The following ABCB10 variants were observed in gnomAD, a reference collection of about 807,000 sequenced individuals.
The protein encoded by ABCB10 is ATP-binding cassette sub-family B member 10, mitochondrial.
In ABCB10, 54 loss-of-function variants were observed where a neutral mutation model predicts 65.4. The ratio of observed to expected loss-of-function variants is 0.83; its 90% confidence interval spans 0.66 to 1.04. The LOEUF (loss-of-function observed/expected upper bound fraction) is 1.04, where lower values mean the gene tolerates loss of function less well. ABCB10 is among the 50% of genes least tolerant of loss of function. The pLI is 0.00. For synonymous variants in ABCB10, 418 were observed against 406.5 expected, an observed-to-expected ratio of 1.03 and a Z score of -0.34; for missense variants, 846 against 976.6, an observed-to-expected ratio of 0.87 and a Z score of 1.78.
intron 11 of ABCB10, among the ~76,000 whole-genome samples, chr1:229,519,803 T>TAAAG (rs1662260426): frequency 7.0e-6 from 1 of 142,434 alleles, no homozygotes; most frequent in African/African-American, 2.6e-5. Context: ...AATAAATAAA[T>TAAAG]AAAGTAAGTA....
intron 6 of ABCB10, among the ~76,000 whole-genome samples, chr1:229,534,721 A>T (rs1472086893): frequency 1.3e-5 from 2 of 151,788 alleles, no homozygotes; most frequent in Non-Finnish European, 2.9e-5. Context: ...ATACAAAAAA[A>T]ATAGCTGGAC....
chr1:229,548,078 T>C (rs1321720610), intron 2 of ABCB10, among the ~76,000 whole-genome samples: 1 of 151,992 alleles, frequency 6.6e-6, no homozygotes, highest in Non-Finnish European at 1.5e-5. Flanking sequence ...CACAGTTCAC[T>C]GTAACCTCAA....
At chr1:229,552,952 A>G (rs1663151372) in intron 1 of ABCB10, among the ~76,000 whole-genome samples, 1 of 152,160 alleles carries the variant, frequency 6.6e-6, no homozygotes, top group Non-Finnish European at 1.5e-5. Context: ...CCTTGGAATC[A>G]GGGAAGGGAG....
At chr1:229,521,250 T>C (rs947931460) in intron 11 of ABCB10, among the ~76,000 whole-genome samples, 1 of 152,180 alleles carries the variant, frequency 6.6e-6, no homozygotes, top group African/African-American at 2.4e-5. Context: ...TTACAGATTG[T>C]ACAAATATGC....
At chr1:229,554,384 C>T (rs1479637030) in intron 1 of ABCB10, among the ~76,000 whole-genome samples, 1 of 152,116 alleles carries the variant, frequency 6.6e-6, no homozygotes, top group Non-Finnish European at 1.5e-5. Flanking sequence ...TTAGCATGCT[C>T]TAGAGTTAGG....
chr1:229,558,421 C>G lies in ABCB10; in HGVS notation c.232G>C (p.Gly78Arg). 8.3e-7 allele frequency: 1 copy of G among 1,204,206 alleles called. No individual in the cohort carries two copies. The highest frequency in any genetic ancestry group is 1.0e-6 in the Non-Finnish European group (1 of 973,000). The allele number at this position is 1,204,206 out of a possible 1,614,324, so 74.6% of individuals were successfully genotyped here. The change falls in exon 1 of 13, where the codon GGC (glycine) becomes CGC (arginine). Residue 78 changes from glycine (G) to arginine (R), a missense_variant. This residue lies in a region of ABCB10 where 214 missense variants were observed against 173.5 expected (regional missense o/e 1.23). Coordinates refer to ENST00000344517, the MANE Select transcript of ABCB10 (RefSeq NM_012089.3). ...AGGCCCAGGACGCCCCGCGAGGCGC[C>G]CGGACCCCCGCCCCGGCAGCCGCTC... The part of the protein sequence containing the change: ...WRSGCRGGGP[G>R]ASRGVLGLAR...
intron 10 of ABCB10, among the ~76,000 whole-genome samples, chr1:229,524,286 C>T (rs1257190213): frequency 2.6e-5 from 4 of 152,040 alleles, no homozygotes; most frequent in South Asian, 2.1e-4. Context: ...CTCAGCCTCC[C>T]GAGTAGCTGG....
intron 12 of ABCB10, 81 bp downstream of exon 12, chr1:229,518,760 G>T: frequency 8.6e-7 from 1 of 1,160,546 alleles, no homozygotes; most frequent in South Asian, 1.5e-5. Context: ...ATCACTTTGA[G>T]GTACAGAATT....
Position 229,518,012 on chromosome 1 carries a change from TC to T in ABCB10, c.*166del. On this transcript the variant is annotated 3_prime_UTR_variant, in exon 13 of 13. Transcript: ENST00000344517. ...ATTATTAAAACTCTGAATAAAAAGATCTTGAGAACAGGTACGTTTCAAAACA... is the reference window on the plus strand; with the variant it reads ...ATTATTAAAACTCTGAATAAAAAGATTTGAGAACAGGTACGTTTCAAAACA... 1.7e-6 allele frequency: 1 copy of T among 598,048 alleles called. No homozygotes were observed. 37.0% of individuals were successfully genotyped at this position (598,048 alleles called of 1,614,324 possible).
At chr1:229,520,033 C>A (rs1662267042) in intron 11 of ABCB10, among the ~76,000 whole-genome samples, 1 of 149,144 alleles carries the variant, frequency 6.7e-6, no homozygotes, top group Non-Finnish European at 1.5e-5. Flanking sequence ...CCCTGGGAGG[C>A]TGAGACAGGT....
chr1:229,518,966 T>TTGTA, intron 11 of ABCB10, 91 bp from the exon 12 acceptor site: 1 of 1,032,734 alleles, frequency 9.7e-7, no homozygotes, highest in Non-Finnish European at 1.4e-6. Context: ...TTCTGACACA[T>TTGTA]GCTACAATGT....
At chr1:229,552,643 G>C (rs1663145271) in intron 1 of ABCB10, among the ~76,000 whole-genome samples, 1 of 152,150 alleles carries the variant, frequency 6.6e-6, no homozygotes, top group Non-Finnish European at 1.5e-5. Flanking sequence ...GCCCACTGCT[G>C]AACAGGGCAC....
In ABCB10 at chr1:229,547,532, G is replaced by C. The variant is rs146106517; in HGVS notation, c.888C>G (p.Ala296=). ...TGATGCCTACGGAAGCCTGGGCCCC[G>C]GCCCTGAGCCCATCTGAGAGGTTTT... ...VTENLSDGLR[A]GAQASVGISM... is the part of the protein sequence containing the mutation. The change falls in exon 3 of 13, where the codon GCC becomes GCG. Residue 296 remains alanine (A), a synonymous_variant. Transcript: ENST00000344517. 1 of 1,613,350 alleles carries C rather than the reference G, an allele frequency of 6.2e-7. No homozygotes were observed. Among genetic ancestry groups the C allele is most frequent in the Non-Finnish European group, 8.5e-7 (1 of 1,179,890 alleles).
At chr1:229,539,874 T>G (rs1363690692) in intron 5 of ABCB10, among the ~76,000 whole-genome samples, 1 of 152,192 alleles carries the variant, frequency 6.6e-6, no homozygotes, top group Non-Finnish European at 1.5e-5. Context: ...TATTAAAGGT[T>G]CCTTCCCTAA....
rs182273646 is a variant in ABCB10, at chr1:229,518,028, G to A, written c.*151C>T. ...ATAAAAAGATCTTGAGAACAGGTACGTTTCAAAACAATCTTTTACACACTT... is the reference window on the plus strand; with the variant it reads ...ATAAAAAGATCTTGAGAACAGGTACATTTCAAAACAATCTTTTACACACTT... On this transcript the variant is annotated 3_prime_UTR_variant, in exon 13 of 13. Transcript: ENST00000344517. 1.2e-4 allele frequency: 75 copies of A among 626,118 alleles called. No homozygotes were observed. The East Asian group carries it at 1.4e-3, about 12-fold the overall frequency. 38.8% of individuals were successfully genotyped at this position (626,118 alleles called of 1,614,324 possible).
chr1:229,532,899 A>G (rs1425913363), intron 6 of ABCB10, among the ~76,000 whole-genome samples: 1 of 152,194 alleles, frequency 6.6e-6, no homozygotes, highest in Non-Finnish European at 1.5e-5. Context: ...AACAAAAAAC[A>G]ACAACAACAA....
chr1:229,541,499 T>C (rs1662842510), intron 4 of ABCB10, among the ~76,000 whole-genome samples: 1 of 152,232 alleles, frequency 6.6e-6, no homozygotes, highest in Non-Finnish European at 1.5e-5. Flanking sequence ...TGTGCTGGGA[T>C]TATAGGCATG....
At chr1:229,550,290 C>T (rs1292162501) in intron 1 of ABCB10, among the ~76,000 whole-genome samples, 1 of 151,952 alleles carries the variant, frequency 6.6e-6, no homozygotes, top group Non-Finnish European at 1.5e-5. Context: ...CTTCAGGAGG[C>T]TGAGGTGGGT....
At chr1:229,524,402 A>G (rs1047150311) in intron 10 of ABCB10, among the ~76,000 whole-genome samples, 4 of 152,120 alleles carry the variant, frequency 2.6e-5, no homozygotes, top group Non-Finnish European at 5.9e-5. Flanking sequence ...AGCTCAAGCA[A>G]TCAGCCTGTC....
Sources: allele counts gnomAD v4.1 joint callset (sites outside exome capture counted in the v4.1 genomes callset), GRCh38; gene constraint gnomAD v4.1.1; regional missense constraint gnomAD v4.1.1; transcripts MANE v1.5; gene names NCBI Gene and HGNC (gene_info 2026-07-23, HGNC 2026-07-21).